The following LILRB1 variants were observed in gnomAD, a reference collection of about 807,000 sequenced individuals.
LILRB1 encodes leukocyte immunoglobulin like receptor B1.
In LILRB1, 59 loss-of-function variants were observed where a neutral mutation model predicts 74.6. The observed-to-expected ratio is 0.79, with a 90% CI of 0.64 to 0.98. The LOEUF is 0.98. Ranked by LOEUF, LILRB1 falls within the 50% of genes least tolerant of loss-of-function variation. LILRB1 has a pLI of 0.00. For missense variants in LILRB1, 804 were observed against 822.6 expected, an observed-to-expected ratio of 0.98 and a Z score of 0.28; for synonymous variants, 328 against 333.9, an observed-to-expected ratio of 0.98 and a Z score of 0.19.
chr19:54,619,739 TC>T (rs2063404331), intron 1 of LILRB1, among the ~76,000 whole-genome samples: 2 of 152,258 alleles, frequency 1.3e-5, no homozygotes, highest in East Asian at 3.9e-4. Flanking sequence ...ATCTGTATCT[TC>T]ATATGTGTTA....
At chr19:54,633,790 T>C in intron 8 of LILRB1, 102 bp downstream of exon 8, 1 of 1,482,960 alleles carries the variant, frequency 6.7e-7, no homozygotes, top group South Asian at 1.3e-5. Context: ...CGAGCTTCCC[T>C]CCAGGGAGCC....
At chr19:54,635,489 G>A in intron 12 of LILRB1, 68 bp from the exon 13 acceptor site, 8 of 1,568,684 alleles carry the variant, frequency 5.1e-6, no homozygotes, top group Non-Finnish European at 6.9e-6. Flanking sequence ...AGCTGAGCAG[G>A]GGCTGGCAGG....
chr19:54,630,645 A>G lies in LILRB1; in HGVS notation c.-49+12A>G, dbSNP rs138356904. On this transcript the variant is annotated intron_variant, in intron 1 of 14. Coordinates refer to ENST00000324602, the MANE Select transcript of LILRB1 (RefSeq NM_001081637.3). ...GGACGACTGCCATGGTAAGGACCCC[A>G]CAACACTGAGCTGATGGACGGCTGA... The G allele has an allele frequency of 2.2e-3, 1,969 of 901,938 alleles. 9 individuals are homozygous for G. The highest frequency in any genetic ancestry group is 8.4e-3 in the South Asian group (624 of 74,324). The allele number at this position is 901,938 out of a possible 1,614,324, so 55.9% of individuals were successfully genotyped here. A position where few individuals can be genotyped will look rare whatever the true frequency, so the allele number is the denominator to read the frequency against.
Position 54,632,563 on chromosome 19 carries a change from G to T in LILRB1, c.761G>T (p.Arg254Ile). 1 of 1,614,150 alleles carries T rather than the reference G, an allele frequency of 6.2e-7. No individual in the cohort carries two copies. ...TGTGGCTCTGATGCTGGCTACAACA[G>T]ATTTGTTCTGTATAAGGACGGGGAA... ...LQCGSDAGYN[R>I]FVLYKDGERD... Residue 254 changes from arginine (R) to isoleucine (I), a missense_variant, in exon 6 of 15, where the codon AGA becomes ATA. Coordinates refer to ENST00000324602, the MANE Select transcript of LILRB1 (RefSeq NM_001081637.3).
upstream of LILRB1, among the ~76,000 whole-genome samples, chr19:54,628,981 C>T (rs2063676176): frequency 6.6e-6 from 1 of 152,214 alleles, no homozygotes; most frequent in Non-Finnish European, 1.5e-5. Context: ...TGTATCACAA[C>T]ATCACACTTC....
rs201198471 is a variant in LILRB1 at position 54,631,050 on chromosome 19, A to G, written c.-24A>G. ...GCACCGAGGGCTCATCCATCCACAG[A>G]GCAGGGCAGTGGGAGGAGACGCCAT... On this transcript the variant is annotated 5_prime_UTR_variant, in exon 2 of 15. Coordinates refer to ENST00000324602, the MANE Select transcript of LILRB1 (RefSeq NM_001081637.3). The G allele has an allele frequency of 1.2e-5, 19 of 1,614,078 alleles. No individual in the cohort carries two copies. In the South Asian group the frequency reaches 1.2e-4, roughly 10 times the overall value.
chr19:54,616,744 T>C (rs2063320760), upstream of LILRB1, among the ~76,000 whole-genome samples: 1 of 152,174 alleles, frequency 6.6e-6, no homozygotes, highest in Admixed American at 6.5e-5. Flanking sequence ...CTGTTCACAT[T>C]TGCATGAGGA....
chr19:54,633,054 G>T lies in LILRB1; in HGVS notation c.997G>T (p.Gly333Cys), dbSNP rs201421803. 883 of 1,614,174 alleles carry T rather than the reference G, an allele frequency of 5.5e-4. 2 individuals carry two copies. Among genetic ancestry groups the T allele is most frequent in the Middle Eastern group, 3.8e-3 (23 of 6,062 alleles). The stretch of plus-strand genomic sequence containing the variant: ...CAGAGTCTCCCTCTCGGTGCAGCCG[G>T]GCCCCACGGTGGCCTCAGGAGAGAA... ...YDRVSLSVQP[G>C]PTVASGENVT... is the part of the protein sequence containing the mutation. The change falls in exon 7 of 15, where the codon GGC becomes TGC. Residue 333 changes from glycine (G) to cysteine (C), a missense_variant. Transcript: ENST00000324602.
At position 54,631,958 on chromosome 19, in the gene LILRB1, T is replaced by TCAGCCCAGCC; in HGVS notation, c.389_398dup (p.Val134AlafsTer16). On this transcript the variant is annotated frameshift_variant, in exon 5 of 15. Transcript: ENST00000324602. LOFTEE classifies it high-confidence loss of function. ...AGGAGCCTACATCAAACCCACCCTC[T>TCAGCCCAGCC]CAGCCCAGCCCAGCCCCGTGGTGAA... 1 of 1,613,228 alleles carries TCAGCCCAGCC rather than the reference T, an allele frequency of 6.2e-7. No individual in the cohort carries two copies. The highest frequency in any genetic ancestry group is 1.1e-5 in the South Asian group (1 of 90,998).
At chr19:54,626,280 T>A (rs948586371), upstream of LILRB1, among the ~76,000 whole-genome samples, 4 of 152,238 alleles carry the variant, frequency 2.6e-5, no homozygotes, top group Non-Finnish European at 5.9e-5. Flanking sequence ...TTACTTTGTA[T>A]CTATTCTAGG....
chr19:54,624,489 T>C (rs1164477291), intron 1 of LILRB1, among the ~76,000 whole-genome samples: 1 of 152,060 alleles, frequency 6.6e-6, no homozygotes, highest in African/African-American at 2.4e-5. Context: ...GGCTGTCTGT[T>C]GTCTGACGTG....
At chr19:54,630,824 G>C in intron 1 of LILRB1, 191 bp downstream of exon 1, 1 of 779,968 alleles carries the variant, frequency 1.3e-6, no homozygotes, top group Non-Finnish European at 2.1e-6. Context: ...GACGGTGGCT[G>C]GGGGTCAGGA....
intron 3 of LILRB1, 54 bp downstream of exon 3, chr19:54,631,360 C>A (rs1289937018): frequency 2.5e-6 from 4 of 1,613,318 alleles, no homozygotes; most frequent in Non-Finnish European, 3.4e-6. Flanking sequence ...GGACAAGGGG[C>A]CACCCCCGTG....
chr19:54,634,374 CG>C (rs1568600512), intron 9 of LILRB1: 2 of 1,538,590 alleles, frequency 1.3e-6, no homozygotes, highest in Admixed American at 3.9e-5. Flanking sequence ...CTCCGGGGCT[CG>C]GCTCTGGTGC....
At chr19:54,623,608 G>A (rs1446988796) in intron 1 of LILRB1, among the ~76,000 whole-genome samples, 1 of 152,068 alleles carries the variant, frequency 6.6e-6, no homozygotes, top group African/African-American at 2.4e-5. Context: ...AAAAACCAAC[G>A]TTTTCTTTCA....
intron 1 of LILRB1, among the ~76,000 whole-genome samples, chr19:54,619,585 C>A (rs1041397469): frequency 1.3e-5 from 2 of 152,038 alleles, no homozygotes; most frequent in Non-Finnish European, 2.9e-5. Flanking sequence ...TTTTGAAAGG[C>A]CTTGGATGAT....
rs572781298 is a variant in LILRB1 at position 54,618,548 on chromosome 19, G to A, written c.-166+1199G>A. ...AACCTGGCCGGGCACGGTGGCTCACGCCTGTAACCCCAGCACTTTGGGAGG... is the reference window on the plus strand; with the variant it reads ...AACCTGGCCGGGCACGGTGGCTCACACCTGTAACCCCAGCACTTTGGGAGG... On this transcript the variant is annotated intron_variant, in intron 1 of 15. Transcript: ENST00000396331. Among the ~76,000 whole-genome samples the A allele has an allele frequency of 2.0e-3, 303 of 152,268 alleles. 2 individuals are homozygous for A. Among genetic ancestry groups the A allele is most frequent in the African/African-American group, 6.2e-3 (258 of 41,536 alleles).
chr19:54,632,181 C>T lies in LILRB1; in HGVS notation c.605C>T (p.Ser202Leu), dbSNP rs200423268. 187 of 1,614,122 alleles carry T rather than the reference C, an allele frequency of 1.2e-4. No homozygotes were observed. The East Asian group carries it at 3.5e-3, about 30-fold the overall frequency. Residue 202 changes from serine (S) to leucine (L), a missense_variant, in exon 5 of 15, where the codon TCG (serine) becomes TTG (leucine). Coordinates refer to ENST00000324602, the MANE Select transcript of LILRB1 (RefSeq NM_001081637.3). ...RWWYRCYAYD[S>L]NSPYEWSLPS... ...TGGTACAGGTGCTATGCTTATGACT[C>T]GAACTCTCCCTATGAGTGGTCTCTA...
upstream of LILRB1, among the ~76,000 whole-genome samples, chr19:54,625,749 C>T (rs2063566180): frequency 6.6e-6 from 1 of 151,154 alleles, no homozygotes; most frequent in South Asian, 2.1e-4. Context: ...GCCTCGCACT[C>T]ACTCACCCCT....
Sources: allele counts gnomAD v4.1 joint callset (sites outside exome capture counted in the v4.1 genomes callset), GRCh38; gene constraint gnomAD v4.1.1; transcripts MANE v1.5; gene names NCBI Gene and HGNC (gene_info 2026-07-23, HGNC 2026-07-21).